Variants in EPHA3 observed in about 807,000 individuals in gnomAD.
EPHA3 encodes the protein ephrin type-A receptor 3.
EPHA3 carries 42 observed loss-of-function variants against 107.1 expected under a neutral mutation model. The observed-to-expected ratio is 0.39, with a 90% CI of 0.31 to 0.51. The LOEUF (loss-of-function observed/expected upper bound fraction) is 0.51. Ranked by LOEUF, EPHA3 falls within the 20% of genes least tolerant of loss-of-function variation. The pLI, the probability that EPHA3 is intolerant of heterozygous loss-of-function variation, is 0.78. For missense variants in EPHA3, 1,183 were observed against 1,211.2 expected, an observed-to-expected ratio of 0.98 and a Z score of 0.35; for synonymous variants, 461 against 424.8, an observed-to-expected ratio of 1.09 and a Z score of -1.05.
chr3:89,399,087 G>A (rs1405883386), intron 6 of EPHA3, among the ~76,000 whole-genome samples: 2 of 151,104 alleles, frequency 1.3e-5, no homozygotes, highest in Admixed American at 1.3e-4. Context: ...CTGAGATCGC[G>A]CCACTGCACT....
intron 9 of EPHA3, among the ~76,000 whole-genome samples, chr3:89,412,383 G>A (rs183369431): frequency 1.7e-4 from 26 of 151,432 alleles, no homozygotes; most frequent in East Asian, 7.8e-4. Context: ...TATGACTTAC[G>A]TTTGGAACTT....
chr3:89,449,887 C>T (rs1709952796), intron 14 of EPHA3, among the ~76,000 whole-genome samples: 1 of 152,230 alleles, frequency 6.6e-6, no homozygotes, highest in South Asian at 2.1e-4. Context: ...TTCTTTATAA[C>T]ACCAAATTTG....
At chr3:89,186,170 C>A (rs1705561688) in intron 2 of EPHA3, among the ~76,000 whole-genome samples, 1 of 151,726 alleles carries the variant, frequency 6.6e-6, no homozygotes, top group Non-Finnish European at 1.5e-5. Context: ...GTTAGTGAGT[C>A]CACCTTATTT....
chr3:89,396,976 G>A (rs1559680460), intron 6 of EPHA3, among the ~76,000 whole-genome samples: 2 of 152,140 alleles, frequency 1.3e-5, no homozygotes, highest in Admixed American at 1.3e-4. Flanking sequence ...TTGAATTGTG[G>A]CAGCCGTGAG....
chr3:89,121,226 A>T (rs1301283167), intron 1 of EPHA3, among the ~76,000 whole-genome samples: 1 of 150,922 alleles, frequency 6.6e-6, no homozygotes, highest in African/African-American at 2.4e-5. Flanking sequence ...ACAGAGCGAG[A>T]CTCCGTCTCA....
At chr3:89,146,245 C>T (rs1704555545) in intron 2 of EPHA3, among the ~76,000 whole-genome samples, 1 of 151,806 alleles carries the variant, frequency 6.6e-6, no homozygotes, top group Non-Finnish European at 1.5e-5. Context: ...AGTAGCTGTC[C>T]CAGCTATCAG....
chr3:89,471,811 T>C (rs1477372247), intron 15 of EPHA3, among the ~76,000 whole-genome samples: 1 of 152,190 alleles, frequency 6.6e-6, no homozygotes, highest in African/African-American at 2.4e-5. Context: ...ACATATATAA[T>C]GTATATATCA....
chr3:89,264,227 C>G (rs1705485462), intron 3 of EPHA3, among the ~76,000 whole-genome samples: 2 of 152,176 alleles, frequency 1.3e-5, no homozygotes, highest in South Asian at 4.1e-4. Flanking sequence ...TATCTGCTTC[C>G]TAAACACAAT....
At chr3:89,341,407 G>T (rs75357086) in intron 4 of EPHA3, among the ~76,000 whole-genome samples, 5,559 of 152,256 alleles carry the variant, frequency 0.037, 149 homozygotes, top group Non-Finnish European at 0.052. Context: ...CCCTCTTGCT[G>T]TATGTTGGTC....
In EPHA3 at chr3:89,352,986, A is replaced by G. The variant is rs545166576; in HGVS notation, c.1306+10896A>G. ...TGCATTTGATAAAGAAAATATTTCTAAGTTTTCTGTAGTTTCATTCTGGAA... is the reference window on the plus strand; with the variant it reads ...TGCATTTGATAAAGAAAATATTTCTGAGTTTTCTGTAGTTTCATTCTGGAA... On this transcript the variant is annotated intron_variant, in intron 5 of 16. Coordinates refer to ENST00000336596, the MANE Select transcript of EPHA3 (RefSeq NM_005233.6). Among the ~76,000 whole-genome samples the G allele has an allele frequency of 1.1e-4, 16 of 150,880 alleles. No individual in the cohort carries two copies. In the Admixed American group the frequency reaches 1.1e-3, roughly 10 times the overall value.
At chr3:89,236,232 AC>A (rs898571982) in intron 3 of EPHA3, among the ~76,000 whole-genome samples, 4 of 151,774 alleles carry the variant, frequency 2.6e-5, no homozygotes, top group Non-Finnish European at 5.9e-5. Context: ...CTAAATATAT[AC>A]CCCCCAAAAA....
At chr3:89,289,850 T>C (rs1302634495) in intron 3 of EPHA3, among the ~76,000 whole-genome samples, 1 of 152,102 alleles carries the variant, frequency 6.6e-6, no homozygotes, top group Non-Finnish European at 1.5e-5. Flanking sequence ...CAGGTTTGAT[T>C]AATAGAAAGT....
chr3:89,401,236 C>A (rs779014695), intron 7 of EPHA3, among the ~76,000 whole-genome samples: 1 of 152,150 alleles, frequency 6.6e-6, no homozygotes, highest in African/African-American at 2.4e-5. Flanking sequence ...CAATAAGGAG[C>A]TATAAATTTC....
At chr3:89,201,396 T>TAA (rs1221185381) in intron 2 of EPHA3, among the ~76,000 whole-genome samples, 1 of 152,156 alleles carries the variant, frequency 6.6e-6, no homozygotes, top group African/African-American at 2.4e-5. Flanking sequence ...AATGAATGAA[T>TAA]AAATGAATAC....
chr3:89,178,225 T>A (rs1483863572), intron 2 of EPHA3, among the ~76,000 whole-genome samples: 1 of 144,204 alleles, frequency 6.9e-6, no homozygotes, highest in Non-Finnish European at 1.5e-5. Flanking sequence ...TAAGGGCTTA[T>A]AATCAAGAGA....
chr3:89,392,970 T>C (rs1459928310), intron 5 of EPHA3, among the ~76,000 whole-genome samples: 1 of 152,184 alleles, frequency 6.6e-6, no homozygotes, highest in African/African-American at 2.4e-5. Flanking sequence ...TTCTCCATTA[T>C]GTTTTATTAT....
chr3:89,280,985 T>C (rs1705932670), intron 3 of EPHA3, among the ~76,000 whole-genome samples: 1 of 147,786 alleles, frequency 6.8e-6, no homozygotes, highest in African/African-American at 2.5e-5. Flanking sequence ...TCTAACCATA[T>C]GAATCTTACA....
intron 13 of EPHA3, among the ~76,000 whole-genome samples, chr3:89,439,923 A>T (rs1450940838): frequency 7.9e-5 from 12 of 152,188 alleles, no homozygotes; most frequent in Non-Finnish European, 1.5e-4. Context: ...AGCCATTATA[A>T]TAATTTGGAA....
chr3:89,297,147 T>G (rs1214667999), intron 3 of EPHA3, among the ~76,000 whole-genome samples: 1 of 152,194 alleles, frequency 6.6e-6, no homozygotes, highest in Non-Finnish European at 1.5e-5. Context: ...TTTTCTATCA[T>G]TAGTTTGTTC....
Sources: gnomAD v4.1 joint callset for allele counts (sites outside exome capture counted in the v4.1 genomes callset) on GRCh38, gnomAD v4.1.1 for gene constraint, MANE v1.5 for transcripts, NCBI Gene and HGNC (gene_info 2026-07-23, HGNC 2026-07-21) for gene names.